Variants in OXR1 observed in about 807,000 individuals in gnomAD.
OXR1 encodes the protein oxidation resistance protein 1.
Under a neutral mutation model 104.6 loss-of-function variants are expected in OXR1, and 41 were observed. The observed-to-expected ratio is 0.39, with a 90% CI of 0.31 to 0.51. OXR1 has a LOEUF of 0.51. Ranked by LOEUF, OXR1 falls within the 20% of genes least tolerant of loss-of-function variation. The pLI, the probability that OXR1 is intolerant of heterozygous loss-of-function variation, is 0.77. For synonymous variants in OXR1, 348 were observed against 348.4 expected (o/e 1.00, Z 0.01); for missense variants, 955 against 1,031.9 (o/e 0.93, Z 1.02).
intron 2 of OXR1, among the ~76,000 whole-genome samples, chr8:106,460,460 A>G (rs1016000020): frequency 3.3e-5 from 5 of 152,166 alleles, no homozygotes; most frequent in African/African-American, 1.2e-4. Flanking sequence ...TCTACTTCCT[A>G]CTATTCCATT....
chr8:106,434,371 G>C, intron 2 of OXR1, among the ~76,000 whole-genome samples: 1 of 152,132 alleles, frequency 6.6e-6, no homozygotes, highest in East Asian at 1.9e-4. Context: ...AGAGTTGTAA[G>C]CTTTATTAAA....
chr8:106,568,850 G>C (rs1007889685), intron 3 of OXR1, among the ~76,000 whole-genome samples: 10 of 151,996 alleles, frequency 6.6e-5, no homozygotes, highest in African/African-American at 2.2e-4. Flanking sequence ...ACCGTCCAGG[G>C]AGAGCTACTT....
chr8:106,567,164 T>C (rs2851394), intron 3 of OXR1, among the ~76,000 whole-genome samples: 96,026 of 152,096 alleles, frequency 0.63, 30,708 homozygotes, highest in South Asian at 0.75. Context: ...CATGGAATTA[T>C]TTTGTTTTCA....
chr8:106,644,092 G>A (rs1011836063), intron 3 of OXR1, among the ~76,000 whole-genome samples: 8 of 152,118 alleles, frequency 5.3e-5, no homozygotes, highest in Non-Finnish European at 1.0e-4. Flanking sequence ...AAGGCTGATA[G>A]GAAACCAAAT....
chr8:106,564,070 T>C (rs913471185), intron 3 of OXR1, among the ~76,000 whole-genome samples: 11 of 151,794 alleles, frequency 7.2e-5, no homozygotes, highest in Admixed American at 2.6e-4. Context: ...AAGATCACAA[T>C]TAAAAAACTA....
chr8:106,338,579 A>G (rs1815061763), intron 1 of OXR1, among the ~76,000 whole-genome samples: 1 of 151,400 alleles, frequency 6.6e-6, no homozygotes, highest in Non-Finnish European at 1.5e-5. Context: ...AAAAAAAAAA[A>G]AGCAACCCAG....
intron 2 of OXR1, among the ~76,000 whole-genome samples, chr8:106,418,755 A>T: frequency 6.6e-6 from 1 of 152,082 alleles, no homozygotes; most frequent in East Asian, 1.9e-4. Context: ...GCCACTTTGA[A>T]CCTACCTCCA....
intron 2 of OXR1, among the ~76,000 whole-genome samples, chr8:106,370,965 A>C (rs185135383): frequency 1.3e-5 from 2 of 151,984 alleles, no homozygotes; most frequent in African/African-American, 4.8e-5. Flanking sequence ...TAGTTTCAGA[A>C]GGAATGGTAC....
At chr8:106,293,980 T>TC (rs1273742407) in intron 1 of OXR1, among the ~76,000 whole-genome samples, 1 of 150,306 alleles carries the variant, frequency 6.7e-6, no homozygotes, top group African/African-American at 2.5e-5. Flanking sequence ...TTTTTTTTTT[T>TC]TTTTTTGGTA....
intron 3 of OXR1, among the ~76,000 whole-genome samples, chr8:106,545,332 TTAAA>T (rs1213963623): frequency 2.0e-5 from 3 of 152,146 alleles, no homozygotes; most frequent in Non-Finnish European, 2.9e-5. Context: ...ATCTAATGAC[TTAAA>T]TAAAGTAGCC....
rs56755421 is a variant in OXR1 at position 106,672,322 on chromosome 8, G to GAA, written c.221-6874_221-6873dup. On this transcript the variant is annotated intron_variant, in intron 3 of 16. Transcript: ENST00000517566. ...GTGAAACTCTGTCTCTACTAAAAATGAAAAAAAAAAAAAAATTAGCTGGGG... is the reference window on the plus strand; with the variant it reads ...GTGAAACTCTGTCTCTACTAAAAATGAAAAAAAAAAAAAAAAATTAGCTGGGG... Among the ~76,000 whole-genome samples, 46 of 136,726 alleles carry GAA rather than the reference G, an allele frequency of 3.4e-4. 1 individual carries two copies. The highest frequency in any genetic ancestry group is 5.5e-4 in the African/African-American group (21 of 37,956). The allele number at this position is 136,726 out of a possible 152,430, so 89.7% of individuals were successfully genotyped here.
intron 3 of OXR1, among the ~76,000 whole-genome samples, chr8:106,609,793 T>A (rs966356371): frequency 6.6e-5 from 10 of 151,972 alleles, no homozygotes; most frequent in African/African-American, 2.4e-4. Flanking sequence ...ATGCATGTAA[T>A]TTACACTCAA....
At chr8:106,536,773 T>G (rs1814574102) in intron 3 of OXR1, among the ~76,000 whole-genome samples, 1 of 152,164 alleles carries the variant, frequency 6.6e-6, no homozygotes, top group Non-Finnish European at 1.5e-5. Flanking sequence ...AACAAATGCT[T>G]TAAGATTCTG....
intron 2 of OXR1, among the ~76,000 whole-genome samples, chr8:106,465,047 G>A (rs1821102367): frequency 6.6e-6 from 1 of 151,906 alleles, no homozygotes; most frequent in Admixed American, 6.6e-5. Context: ...TATAGAGTAT[G>A]TTAAATAATT....
rs963049453 is a variant in OXR1, at chr8:106,323,469, A to G, written c.-138-36007A>G. ...GGAGCAAGCAAAGATTTCATGACAA[A>G]GACAACAAAAGCAATTGCAACAAAA... On this transcript the variant is annotated intron_variant, in intron 1 of 16. Coordinates refer to ENST00000517566, the MANE Select transcript of OXR1 (RefSeq NM_001198533.2). Among the ~76,000 whole-genome samples the G allele has an allele frequency of 2.6e-5, 4 of 152,214 alleles. No individual in the cohort carries two copies. The South Asian group carries it at 8.3e-4, about 31-fold the overall frequency.
chr8:106,315,759 G>A (rs1813904215), intron 1 of OXR1, among the ~76,000 whole-genome samples: 1 of 152,150 alleles, frequency 6.6e-6, no homozygotes. Context: ...GTAGCAGTGG[G>A]TAGAGAAAAG....
chr8:106,666,297 G>A (rs1826322370), intron 3 of OXR1, among the ~76,000 whole-genome samples: 1 of 152,182 alleles, frequency 6.6e-6, no homozygotes, highest in African/African-American at 2.4e-5. Flanking sequence ...AAAATGGTCT[G>A]TATCTGTGAT....
intron 11 of OXR1, among the ~76,000 whole-genome samples, chr8:106,724,132 C>T (rs968894661): frequency 6.6e-6 from 1 of 152,104 alleles, no homozygotes; most frequent in Non-Finnish European, 1.5e-5. Flanking sequence ...TCTATCATAC[C>T]ATTCCCAACT....
intron 3 of OXR1, among the ~76,000 whole-genome samples, chr8:106,530,850 G>A (rs1221412398): frequency 1.3e-5 from 2 of 152,036 alleles, no homozygotes; most frequent in Non-Finnish European, 2.9e-5. Flanking sequence ...AATCTATGTG[G>A]GTTTATAACT....
Sources: allele counts gnomAD v4.1 joint callset (sites outside exome capture counted in the v4.1 genomes callset), GRCh38; gene constraint gnomAD v4.1.1; transcripts MANE v1.5; gene names NCBI Gene and HGNC (gene_info 2026-07-23, HGNC 2026-07-21).